ASNSD1: variants seen among roughly 807,000 people sequenced by gnomAD.
ASNSD1 encodes asparagine synthetase domain-containing protein 1.
A neutral mutation model predicts 48.3 loss-of-function variants in ASNSD1; 36 were observed. The ratio of observed to expected loss-of-function variants is 0.75; its 90% CI spans 0.57 to 0.99. ASNSD1 has a LOEUF of 0.99. Among genes scored for constraint, ASNSD1 ranks in the 50% least tolerant of loss-of-function variants. The pLI is 0.00. For synonymous variants in ASNSD1, 257 were observed against 262.1 expected, an observed-to-expected ratio of 0.98 and a Z score of 0.19; for missense variants, 714 against 758.2, an observed-to-expected ratio of 0.94 and a Z score of 0.69.
At chr2:189,664,964 C>T (rs558949224) in intron 2 of ASNSD1, among the ~76,000 whole-genome samples, 1 of 152,260 alleles carries the variant, frequency 6.6e-6, no homozygotes, top group South Asian at 2.1e-4. Context: ...ATGGTAACAC[C>T]TTAAATGTCT....
rs2032667592 is a variant in ASNSD1 at position 189,661,665 on chromosome 2, A to G, written c.-223+55A>G. The G allele has an allele frequency of 5.0e-6, 2 of 399,090 alleles. 1 individual carries two copies. Among genetic ancestry groups the G allele is most frequent in the South Asian group, 2.6e-4 (2 of 7,832 alleles). The allele number at this position is 399,090 out of a possible 1,614,324, so 24.7% of individuals were successfully genotyped here. On this transcript the variant is annotated intron_variant, in intron 1 of 5. Transcript: ENST00000260952. Reference sequence around the variant, plus strand: ...TGGACTCGGGACCGGGCGCCACTGGACCCTGAAGGTGGTCCGCAGCGGGCA... The same window carrying G: ...TGGACTCGGGACCGGGCGCCACTGGGCCCTGAAGGTGGTCCGCAGCGGGCA...
At chr2:189,663,394 C>CTATAT (rs2032715732) in intron 1 of ASNSD1, among the ~76,000 whole-genome samples, 1 of 152,048 alleles carries the variant, frequency 6.6e-6, no homozygotes, top group Non-Finnish European at 1.5e-5. Context: ...GCTGGGATTA[C>CTATAT]AGGCATGTGC....
intron 1 of ASNSD1, among the ~76,000 whole-genome samples, chr2:189,662,948 CAAAAAAAA>C (rs67898532): frequency 7.8e-5 from 6 of 77,004 alleles, no homozygotes; most frequent in Non-Finnish European, 1.5e-4. Context: ...GACCCTGTTT[CAAAAAAAA>C]AAAAAAAAAA....
At chr2:189,667,717 C>A in intron 4 of ASNSD1, 47 bp from the exon 5 acceptor site, 1 of 1,555,146 alleles carries the variant, frequency 6.4e-7, no homozygotes. Flanking sequence ...ATTTTCTTTA[C>A]TGTGTAGTTG....
At chr2:189,664,368 T>A (rs28546300) in intron 2 of ASNSD1, among the ~76,000 whole-genome samples, 1 of 152,198 alleles carries the variant, frequency 6.6e-6, no homozygotes, top group East Asian at 1.9e-4. Flanking sequence ...CTCCAAAAAA[T>A]TTTTACATAG....
chr2:189,662,188 C>CCA, intron 1 of ASNSD1, among the ~76,000 whole-genome samples: 1 of 152,356 alleles, frequency 6.6e-6, no homozygotes, highest in South Asian at 2.1e-4. Context: ...CTAAAACACG[C>CCA]ATTGGGTTGT....
rs992200259 is a variant in ASNSD1, at chr2:189,661,474, G to A, written c.-359G>A. 1.0e-5 allele frequency: 4 copies of A among 399,218 alleles called. No individual in the cohort carries two copies. Among genetic ancestry groups the A allele is most frequent in the Non-Finnish European group, 1.3e-5 (3 of 226,176 alleles). The allele number at this position is 399,218 out of a possible 1,614,324, so 24.7% of individuals were successfully genotyped here. The stretch of plus-strand genomic sequence containing the variant: ...CGCATGCGCTGTGGCTAATGCCGTA[G>A]GCTCCTTCAGGGCTGAGCCATCCCG... On this transcript the variant is annotated 5_prime_UTR_variant, in exon 1 of 6. It removes the in-frame stop codon of an upstream open reading frame in the 5' UTR. Transcript: ENST00000260952.
At chr2:189,663,125 T>C (rs1392530799) in intron 1 of ASNSD1, among the ~76,000 whole-genome samples, 1 of 152,064 alleles carries the variant, frequency 6.6e-6, no homozygotes, top group African/African-American at 2.4e-5. Flanking sequence ...CATGAAAATA[T>C]TGAAAAAAGT....
chr2:189,663,802 C>G (rs2032727272), intron 1 of ASNSD1, 99 bp from the exon 2 acceptor site: 1 of 349,706 alleles, frequency 2.9e-6, no homozygotes, highest in Non-Finnish European at 5.2e-6. Context: ...CATCATAGCC[C>G]CTTATCCCAT....
At chr2:189,662,617 G>A (rs2032693263) in intron 1 of ASNSD1, among the ~76,000 whole-genome samples, 1 of 152,164 alleles carries the variant, frequency 6.6e-6, no homozygotes, top group Admixed American at 6.5e-5. Context: ...ACCATAGCAA[G>A]CCACTTACGC....
In ASNSD1 at chr2:189,670,703, A is replaced by T; in HGVS notation, c.1909A>T (p.Ile637Phe). Residue 637 changes from isoleucine to phenylalanine, a missense_variant, in exon 6 of 6, where the codon ATT becomes TTT. By Grantham distance (21) the Ile-to-Phe change is conservative. Transcript: ENST00000260952. The part of the protein sequence containing the change: ...LQIMSLENLS[I>F]EKETKL ...AATCATGTCCTTAGAAAATCTTTCTATTGAAAAGGAGACTAAATTGTAATG... is the reference window on the plus strand; with the variant it reads ...AATCATGTCCTTAGAAAATCTTTCTTTTGAAAAGGAGACTAAATTGTAATG... 6.3e-7 allele frequency: 1 copy of T among 1,594,914 alleles called. No individual in the cohort carries two copies. Among genetic ancestry groups the T allele is most frequent in the Non-Finnish European group, 8.5e-7 (1 of 1,171,872 alleles).
chr2:189,666,469 T>G lies in ASNSD1; in HGVS notation c.337T>G (p.Ser113Ala). 1 of 1,613,904 alleles carries G rather than the reference T, an allele frequency of 6.2e-7. No individual in the cohort carries two copies. The highest frequency in any genetic ancestry group is 8.5e-7 in the Non-Finnish European group (1 of 1,179,926). Residue 113 changes from serine (S) to alanine (A), a missense_variant, in exon 4 of 6, where the codon TCA becomes GCA. Transcript: ENST00000260952. Reference protein sequence around the residue: ...KNESEILSLFSEVQGPWSFIY... With the variant: ...KNESEILSLFAEVQGPWSFIY... ...TGAATCTGAGATTTTGTCACTCTTC[T>G]CAGAAGTACAAGGTCCCTGGTCATT...
chr2:189,666,069 C>T lies in ASNSD1; in HGVS notation c.-64C>T. 6.9e-7 allele frequency: 1 copy of T among 1,452,456 alleles called. No homozygotes were observed. The highest frequency in any genetic ancestry group is 9.2e-7 in the Non-Finnish European group (1 of 1,092,156). 90.0% of individuals were successfully genotyped at this position (1,452,456 alleles called of 1,614,324 possible). ...TATTGGATGAACTGAAAAAAGAATA[C>T]CAAGAAATAGAAAACTTAGACAAGA... On this transcript the variant is annotated 5_prime_UTR_variant, in exon 4 of 6. Transcript: ENST00000260952.
Position 189,670,551 on chromosome 2 carries a change from T to A in ASNSD1, c.1757T>A (p.Leu586His), listed in dbSNP as rs1303827656. ...RGIGEKLLLR[L>H]AAVELGLTAS... Reference sequence around the variant, plus strand: ...ATTGGTGAAAAATTACTTTTACGCCTTGCAGCTGTGGAACTTGGTCTTACA... The same window carrying A: ...ATTGGTGAAAAATTACTTTTACGCCATGCAGCTGTGGAACTTGGTCTTACA... The change falls in exon 6 of 6, where the codon CTT becomes CAT. Residue 586 changes from leucine to histidine, a missense_variant. By Grantham distance (99) the Leu-to-His change is moderately conservative (BLOSUM62 -3). Coordinates refer to ENST00000260952, the MANE Select transcript of ASNSD1 (RefSeq NM_019048.4). 5.0e-6 allele frequency: 8 copies of A among 1,614,170 alleles called. No individual in the cohort carries two copies. In the South Asian group the frequency reaches 8.8e-5, roughly 18 times the overall value.
rs1471414148 is a variant in ASNSD1 at position 189,667,221 on chromosome 2, G to GC, written c.1091dup (p.Thr365AsnfsTer4). The GC allele has an allele frequency of 6.2e-7, 1 of 1,613,924 alleles. No individual in the cohort carries two copies. The highest frequency in any genetic ancestry group is 2.2e-5 in the East Asian group (1 of 44,896). ...CTTTCATAGCTGAAGAAAAGACCAT[G>GC]CCAACTACCTTTAACAGAGAAGGGA... On this transcript the variant is annotated frameshift_variant, in exon 4 of 6. Coordinates refer to ENST00000260952, the MANE Select transcript of ASNSD1 (RefSeq NM_019048.4). LOFTEE classifies it high-confidence loss of function.
Position 189,663,225 on chromosome 2 carries a change from T to TA in ASNSD1, c.-222-675dup, listed in dbSNP as rs557872028. On this transcript the variant is annotated intron_variant, in intron 1 of 5. Transcript: ENST00000260952. ...TCACAACTTAATTCCTTTTGGTGTA[T>TA]ATCATATATATATATTTTTTAAATT... is the stretch of plus-strand genomic sequence containing the variant. Among the ~76,000 whole-genome samples, 16 of 150,556 alleles carry TA rather than the reference T, an allele frequency of 1.1e-4. No homozygotes were observed. In the East Asian group the frequency reaches 3.1e-3, roughly 29 times the overall value.
At chr2:189,670,190 CAAAA>C (rs201038334) in intron 5 of ASNSD1, among the ~76,000 whole-genome samples, 2 of 80,492 alleles carry the variant, frequency 2.5e-5, no homozygotes, top group Non-Finnish European at 2.5e-5. Flanking sequence ...CTCACCTAGG[CAAAA>C]AAAAAAAAAA....
Position 189,666,931 on chromosome 2 carries a change from A to G in ASNSD1, c.799A>G (p.Arg267Gly), listed in dbSNP as rs774064221. 22 of 1,614,016 alleles carry G rather than the reference A, an allele frequency of 1.4e-5. No individual in the cohort carries two copies. The South Asian group carries it at 2.3e-4, about 17-fold the overall frequency. The change falls in exon 4 of 6, where the codon AGA (arginine) becomes GGA (glycine). Residue 267 changes from arginine (R) to glycine (G), a missense_variant. Arg to Gly is a moderately radical substitution (Grantham distance 125). Coordinates refer to ENST00000260952, the MANE Select transcript of ASNSD1 (RefSeq NM_019048.4). ...TAATATTTCCAATGTGCCACCTACA[A>G]GAGAGATACTTCAAGTCTTTCTTAC... ...CSNISNVPPT[R>G]EILQVFLTDV...
chr2:189,669,537 A>G (rs1008422007), intron 5 of ASNSD1, among the ~76,000 whole-genome samples: 3 of 152,228 alleles, frequency 2.0e-5, no homozygotes, highest in Non-Finnish European at 2.9e-5. Context: ...TTGATTCTCT[A>G]GTTAAATTTG....
Sources: gnomAD v4.1 joint callset for allele counts (sites outside exome capture counted in the v4.1 genomes callset) on GRCh38, gnomAD v4.1.1 for gene constraint, MANE v1.5 for transcripts, NCBI Gene and HGNC (gene_info 2026-07-23, HGNC 2026-07-21) for gene names.